Variants in CCDC85A observed in about 807,000 individuals in gnomAD.
The protein encoded by CCDC85A is coiled-coil domain containing 85A.
Under a neutral mutation model 50.2 loss-of-function variants are expected in CCDC85A, and 38 were observed. The ratio of observed to expected loss-of-function variants is 0.76; its 90% CI spans 0.58 to 0.99. CCDC85A has a LOEUF of 0.99. CCDC85A is among the 50% of genes least tolerant of loss of function. The probability of loss-of-function intolerance (pLI) is 0.00; values close to 1 mark genes in which losing one functional copy is unlikely to be tolerated. For synonymous variants in CCDC85A, 366 were observed against 301.4 expected (o/e 1.21, Z -2.22); for missense variants, 820 against 742.0 (o/e 1.11, Z -1.22).
At position 56,213,268 on chromosome 2, in the gene CCDC85A, G is replaced by A. The variant is rs542233702; in HGVS notation, c.1240+19828G>A. On this transcript the variant is annotated intron_variant, in intron 2 of 5. Coordinates refer to ENST00000407595, the MANE Select transcript of CCDC85A (RefSeq NM_001080433.2). ...AAATATGCACTTAAACAAGCTTTCA[G>A]TGTGTCCAGAATTTTACAATTTCAA... Among the ~76,000 whole-genome samples, 221 of 152,064 alleles carry A rather than the reference G, an allele frequency of 1.5e-3. 1 individual carries two copies. Among genetic ancestry groups the A allele is most frequent in the Middle Eastern group, 6.8e-3 (2 of 294 alleles).
chr2:56,347,455 G>A (rs775665958), intron 3 of CCDC85A, among the ~76,000 whole-genome samples: 3 of 152,020 alleles, frequency 2.0e-5, no homozygotes, highest in Admixed American at 6.6e-5. Context: ...ACTAACATTG[G>A]ATCTGCTTAG....
intron 2 of CCDC85A, among the ~76,000 whole-genome samples, chr2:56,284,328 T>C (rs1366989876): frequency 6.6e-6 from 1 of 152,226 alleles, no homozygotes; most frequent in Non-Finnish European, 1.5e-5. Flanking sequence ...CTGAATATAG[T>C]GATTTCTAAA....
intron 2 of CCDC85A, among the ~76,000 whole-genome samples, chr2:56,284,290 C>T: frequency 6.6e-6 from 1 of 152,124 alleles, no homozygotes; most frequent in East Asian, 1.9e-4. Flanking sequence ...ATTCTGTTTG[C>T]ACTTGACAGA....
At chr2:56,257,364 G>A (rs1670028473) in intron 2 of CCDC85A, among the ~76,000 whole-genome samples, 3 of 152,106 alleles carry the variant, frequency 2.0e-5, no homozygotes, top group South Asian at 4.1e-4. Context: ...AAACTTTCAT[G>A]AACAAGATAG....
chr2:56,277,541 T>C (rs2104090174), intron 2 of CCDC85A, among the ~76,000 whole-genome samples: 1 of 152,336 alleles, frequency 6.6e-6, no homozygotes, highest in Non-Finnish European at 1.5e-5. Context: ...TTTAAAGTTA[T>C]AGGTCAGTAC....
At chr2:56,305,890 G>A (rs1672422175) in intron 2 of CCDC85A, among the ~76,000 whole-genome samples, 1 of 152,112 alleles carries the variant, frequency 6.6e-6, no homozygotes, top group African/African-American at 2.4e-5. Flanking sequence ...AATGACATTA[G>A]GTACCCAAAG....
chr2:56,212,094 G>T (rs981484031), intron 2 of CCDC85A, among the ~76,000 whole-genome samples: 4 of 151,980 alleles, frequency 2.6e-5, no homozygotes, highest in Admixed American at 6.6e-5. Context: ...CCCCAAGTTG[G>T]TCTGGTCATA....
At chr2:56,328,467 C>T (rs1673589079) in intron 2 of CCDC85A, among the ~76,000 whole-genome samples, 1 of 152,266 alleles carries the variant, frequency 6.6e-6, no homozygotes, top group South Asian at 2.1e-4. Context: ...TCTCCATCCT[C>T]ATACTTTCTT....
chr2:56,314,650 G>A (rs1306920527), intron 2 of CCDC85A, among the ~76,000 whole-genome samples: 1 of 152,130 alleles, frequency 6.6e-6, no homozygotes, highest in African/African-American at 2.4e-5. Context: ...TGTTGATTTG[G>A]TGAGGGATTC....
At chr2:56,223,194 C>T (rs377317518) in intron 2 of CCDC85A, among the ~76,000 whole-genome samples, 1 of 152,060 alleles carries the variant, frequency 6.6e-6, no homozygotes. Flanking sequence ...CATTTGGATG[C>T]ATAAATTTTT....
At chr2:56,259,493 A>G (rs936335557) in intron 2 of CCDC85A, among the ~76,000 whole-genome samples, 1 of 152,196 alleles carries the variant, frequency 6.6e-6, no homozygotes, top group Non-Finnish European at 1.5e-5. Flanking sequence ...GGGAGCTTCC[A>G]GTCCATGGTG....
intron 2 of CCDC85A, among the ~76,000 whole-genome samples, chr2:56,281,859 T>A (rs1020106699): frequency 3.3e-5 from 5 of 152,204 alleles, no homozygotes; most frequent in Admixed American, 3.3e-4. Context: ...TGAATAAGAA[T>A]GTTTTCTCTC....
intron 2 of CCDC85A, among the ~76,000 whole-genome samples, chr2:56,287,914 T>G (rs1671517563): frequency 6.6e-6 from 1 of 152,184 alleles, no homozygotes; most frequent in Non-Finnish European, 1.5e-5. Context: ...GTTTCTTTCC[T>G]GTTGTCTTTG....
intron 3 of CCDC85A, among the ~76,000 whole-genome samples, chr2:56,360,452 G>T (rs920840577): frequency 6.6e-6 from 1 of 152,170 alleles, no homozygotes; most frequent in African/African-American, 2.4e-5. Context: ...TTTTTAAAAA[G>T]ACATCTCTAA....
At chr2:56,224,320 A>G (rs192890480) in intron 2 of CCDC85A, among the ~76,000 whole-genome samples, 1 of 152,346 alleles carries the variant, frequency 6.6e-6, no homozygotes, top group Admixed American at 6.5e-5. Flanking sequence ...CTGGGGACTA[A>G]TATATTGTAT....
Position 56,384,578 on chromosome 2 carries a change from G to T in CCDC85A, c.*223G>T. The T allele has an allele frequency of 2.2e-6, 1 of 458,064 alleles. No individual in the cohort carries two copies. Among genetic ancestry groups the T allele is most frequent in the Non-Finnish European group, 4.0e-6 (1 of 252,828 alleles). The allele number at this position is 458,064 out of a possible 1,614,324, so 28.4% of individuals were successfully genotyped here. On this transcript the variant is annotated 3_prime_UTR_variant, in exon 6 of 6. Transcript: ENST00000407595. ...GTCCACAACAGTCAATCTCAAACAA[G>T]GTAGCTTTGAACATCTCAAACAGAG...
Position 56,188,690 on chromosome 2 carries a change from T to C in CCDC85A, c.277-3787T>C, listed in dbSNP as rs546483354. Reference sequence around the variant, plus strand: ...TCTGATTTCCTGTAAAGCATCAGTATCAAGGGATAGTTTATTTTCTTACTA... The same window carrying C: ...TCTGATTTCCTGTAAAGCATCAGTACCAAGGGATAGTTTATTTTCTTACTA... On this transcript the variant is annotated intron_variant, in intron 1 of 5. Coordinates refer to ENST00000407595, the MANE Select transcript of CCDC85A (RefSeq NM_001080433.2). Among the ~76,000 whole-genome samples, 11 of 152,376 alleles carry C rather than the reference T, an allele frequency of 7.2e-5. No individual in the cohort carries two copies. The South Asian group carries it at 1.9e-3, about 26-fold the overall frequency.
intron 2 of CCDC85A, among the ~76,000 whole-genome samples, chr2:56,218,478 C>G (rs1668184299): frequency 6.6e-6 from 1 of 151,822 alleles, no homozygotes; most frequent in African/African-American, 2.4e-5. Flanking sequence ...TTTTCATATT[C>G]ATTTCTATAT....
chr2:56,272,472 C>A (rs1670741135), intron 2 of CCDC85A, among the ~76,000 whole-genome samples: 1 of 152,158 alleles, frequency 6.6e-6, no homozygotes, highest in Admixed American at 6.5e-5. Flanking sequence ...GATCCTTGGA[C>A]CTCCTCCACC....
Sources: gnomAD v4.1 joint callset for allele counts (sites outside exome capture counted in the v4.1 genomes callset) on GRCh38, gnomAD v4.1.1 for gene constraint, MANE v1.5 for transcripts, NCBI Gene and HGNC (gene_info 2026-07-23, HGNC 2026-07-21) for gene names.